The following KDM7A variants were observed in gnomAD, a reference collection of about 807,000 sequenced individuals.
KDM7A encodes lysine-specific demethylase 7A.
A neutral mutation model predicts 114.8 loss-of-function variants in KDM7A; 28 were observed. The observed-to-expected ratio is 0.24, with a 90% CI of 0.18 to 0.33. The LOEUF (loss-of-function observed/expected upper bound fraction) is 0.33. Among genes scored for constraint, KDM7A ranks in the 10% least tolerant of loss-of-function variants. The pLI is 1.00. For synonymous variants in KDM7A, 423 were observed against 397.8 expected (o/e 1.06, Z -0.75); for missense variants, 942 against 1,142.5 (o/e 0.82, Z 2.53).
chr7:140,173,374 C>G (rs79777124), intron 1 of KDM7A, among the ~76,000 whole-genome samples: 9,007 of 152,160 alleles, frequency 0.059, 335 homozygotes, highest in East Asian at 0.13. Context: ...AGCATCAGAC[C>G]TGGAAGACGC....
chr7:140,146,595 A>T (rs1794342544), intron 1 of KDM7A, among the ~76,000 whole-genome samples: 1 of 152,140 alleles, frequency 6.6e-6, no homozygotes, highest in Non-Finnish European at 1.5e-5. Flanking sequence ...AGACTGTGAC[A>T]CTTTTTCCTA....
rs2116736206 is a variant in KDM7A at position 140,094,153 on chromosome 7, T to C, written c.2375-15A>G. ...GACATGGTATCCTAAAGAGAAGTTTTAGTTTAATTAACTTTGCACAAACTT... is the reference window on the plus strand; with the variant it reads ...GACATGGTATCCTAAAGAGAAGTTTCAGTTTAATTAACTTTGCACAAACTT... On this transcript the variant is annotated splice_polypyrimidine_tract_variant and intron_variant, in intron 17 of 19. Transcript: ENST00000397560. The C allele has an allele frequency of 6.9e-7, 1 of 1,448,410 alleles. No individual in the cohort carries two copies. The highest frequency in any genetic ancestry group is 1.7e-4 in the Middle Eastern group (1 of 5,746). The allele number at this position is 1,448,410 out of a possible 1,614,324, so 89.7% of individuals were successfully genotyped here.
chr7:140,113,489 ACTT>A lies in KDM7A; in HGVS notation c.1337_1338+1del. 6.5e-7 allele frequency: 1 copy of A among 1,529,116 alleles called. No homozygotes were observed. Among genetic ancestry groups the A allele is most frequent in the South Asian group, 1.2e-5 (1 of 86,338 alleles). The allele number at this position is 1,529,116 out of a possible 1,614,324, so 94.7% of individuals were successfully genotyped here. A position where few individuals can be genotyped will look rare whatever the true frequency, so the allele number is the denominator to read the frequency against. On this transcript the variant is annotated splice_donor_variant and coding_sequence_variant, in exon 10 of 20. Transcript: ENST00000397560. ...AGTGATTTCACTGTTGAAACAACTT[ACTT>A]CTTTTTTCATCCATAATTTTAAAGC...
Position 140,124,844 on chromosome 7 carries a change from T to C in KDM7A, c.889-61A>G, listed in dbSNP as rs553140987. The C allele has an allele frequency of 1.0e-4, 97 of 943,642 alleles. No individual in the cohort carries two copies. In the East Asian group the frequency reaches 2.4e-3, roughly 23 times the overall value. 58.5% of individuals were successfully genotyped at this position (943,642 alleles called of 1,614,324 possible). A position where few individuals can be genotyped will look rare whatever the true frequency, so the allele number is the denominator to read the frequency against. ...AAAGCCATACTTAGGATAGCCTACA[T>C]TGATGCAATTTCTCAATACAATGAT... On this transcript the variant is annotated intron_variant, in intron 6 of 19. Coordinates refer to ENST00000397560, the MANE Select transcript of KDM7A (RefSeq NM_030647.2).
At chr7:140,156,454 G>C (rs1048835010) in intron 1 of KDM7A, among the ~76,000 whole-genome samples, 4 of 152,088 alleles carry the variant, frequency 2.6e-5, no homozygotes, top group African/African-American at 9.7e-5. Flanking sequence ...TTTAAGGTTG[G>C]AGTCCCCCAT....
rs1348038978 is a variant in KDM7A at position 140,169,209 on chromosome 7, AAAAT to A, written c.194+7531_194+7534del. 1.2e-4 allele frequency among the ~76,000 whole-genome samples: 18 copies of A among 152,352 alleles called. 1 individual carries two copies. The highest frequency in any genetic ancestry group is 3.6e-4 in the African/African-American group (15 of 41,584). ...AAAAATAACCTTTTCATTAATGGAA[AAAAT>A]AAATAATCACTACAGTAATAAAATG... On this transcript the variant is annotated intron_variant, in intron 1 of 19. Transcript: ENST00000397560.
At chr7:140,123,715 T>TC (rs1366365573) in intron 7 of KDM7A, among the ~76,000 whole-genome samples, 1 of 152,148 alleles carries the variant, frequency 6.6e-6, no homozygotes, top group African/African-American at 2.4e-5. Flanking sequence ...AACCTGTATA[T>TC]CCCACAATGG....
chr7:140,104,390 G>C (rs935425445), intron 11 of KDM7A, among the ~76,000 whole-genome samples: 3 of 152,174 alleles, frequency 2.0e-5, no homozygotes, highest in Non-Finnish European at 2.9e-5. Flanking sequence ...CCATGCCTAT[G>C]TCCTGAATGG....
At position 140,120,519 on chromosome 7, in the gene KDM7A, A is replaced by G; in HGVS notation, c.1062T>C (p.His354=). 3 of 1,607,984 alleles carry G rather than the reference A, an allele frequency of 1.9e-6. No individual in the cohort carries two copies. Among genetic ancestry groups the G allele is most frequent in the Non-Finnish European group, 2.6e-6 (3 of 1,174,502 alleles). The change falls in exon 8 of 20, where the codon CAT becomes CAC. Residue 354 remains histidine, a synonymous_variant. Transcript: ENST00000397560. ...HTLFVPTGWI[H]AVLTSQDCMA... ...TACAGTCCTGAGAAGTGAGCACAGC[A>G]TGGATCCACCCTAAAATGGTTGAAA...
intron 1 of KDM7A, among the ~76,000 whole-genome samples, chr7:140,152,623 C>CA (rs35127641): frequency 9.2e-4 from 118 of 128,936 alleles, no homozygotes; most frequent in African/African-American, 1.4e-3. Flanking sequence ...GACTCCGTTT[C>CA]AAAAAAAAAA....
At chr7:140,101,349 G>A (rs1370493621) in intron 12 of KDM7A, among the ~76,000 whole-genome samples, 2 of 152,142 alleles carry the variant, frequency 1.3e-5, no homozygotes, top group East Asian at 1.9e-4. Context: ...CCTCCAGGCT[G>A]ACTGCTGGCT....
At chr7:140,101,566 C>T (rs1339384564) in intron 12 of KDM7A, among the ~76,000 whole-genome samples, 3 of 152,124 alleles carry the variant, frequency 2.0e-5, no homozygotes, top group African/African-American at 2.4e-5. Flanking sequence ...TTTTAAATAA[C>T]GCTTATCATC....
At chr7:140,131,616 T>TC (rs1818787984) in intron 3 of KDM7A, among the ~76,000 whole-genome samples, 1 of 152,208 alleles carries the variant, frequency 6.6e-6, no homozygotes, top group Non-Finnish European at 1.5e-5. Flanking sequence ...GAGCTCTGTA[T>TC]TACCTCTTAG....
At chr7:140,151,314 G>C (rs1794397887) in intron 1 of KDM7A, among the ~76,000 whole-genome samples, 1 of 152,126 alleles carries the variant, frequency 6.6e-6, no homozygotes, top group African/African-American at 2.4e-5. Context: ...AAAGACATGG[G>C]TAATATTTAA....
intron 12 of KDM7A, 93 bp downstream of exon 12, chr7:140,101,858 T>G (rs1261702733): frequency 3.7e-6 from 3 of 819,464 alleles, no homozygotes; most frequent in Non-Finnish European, 6.1e-6. Context: ...AGATTAGATA[T>G]CAACAATAGT....
At chr7:140,111,959 A>G (rs1243420530) in intron 10 of KDM7A, among the ~76,000 whole-genome samples, 2 of 151,894 alleles carry the variant, frequency 1.3e-5, no homozygotes, top group Non-Finnish European at 2.9e-5. Flanking sequence ...AAAAAAAAAA[A>G]GCTCTAAAGG....
intron 3 of KDM7A, among the ~76,000 whole-genome samples, chr7:140,131,892 C>T (rs1562954475): frequency 6.6e-6 from 1 of 152,156 alleles, no homozygotes. Flanking sequence ...TAGATTACTA[C>T]ATACCTCACA....
chr7:140,103,932 GTAAAA>G (rs1251381721), intron 11 of KDM7A, among the ~76,000 whole-genome samples: 2 of 152,204 alleles, frequency 1.3e-5, no homozygotes, highest in African/African-American at 2.4e-5. Flanking sequence ...CAACAACAGT[GTAAAA>G]GTGTTCCTAT....
rs114304498 is a variant in KDM7A, at chr7:140,093,962, T to C, written c.2457+94A>G. The C allele has an allele frequency of 7.3e-3, 5,857 of 804,074 alleles. 223 individuals carry two copies. In the African/African-American group the frequency reaches 0.087, roughly 12 times the overall value. 49.8% of individuals were successfully genotyped at this position (804,074 alleles called of 1,614,324 possible). ...TTTCTGGCTGCCTAGATCTAGCAGT[T>C]GATAACTGGTTGTTACAGTTTTAAA... On this transcript the variant is annotated intron_variant, in intron 18 of 19. Transcript: ENST00000397560.
Sources: gnomAD v4.1 joint callset for allele counts (sites outside exome capture counted in the v4.1 genomes callset) on GRCh38, gnomAD v4.1.1 for gene constraint, MANE v1.5 for transcripts, NCBI Gene and HGNC (gene_info 2026-07-23, HGNC 2026-07-21) for gene names.